Variants in SLC11A2 observed in about 807,000 individuals in gnomAD.
The protein encoded by SLC11A2 is natural resistance-associated macrophage protein 2.
Under a neutral mutation model 68.0 loss-of-function variants are expected in SLC11A2, and 38 were observed. The observed-to-expected ratio is 0.56, with a 90% confidence interval of 0.43 to 0.73. SLC11A2 has a LOEUF of 0.73. SLC11A2 is among the 30% of genes least tolerant of loss of function. The probability of loss-of-function intolerance (pLI) is 0.00; values close to 1 mark genes in which losing one functional copy is unlikely to be tolerated. For missense variants in SLC11A2, 517 were observed against 690.5 expected (o/e 0.75, Z 2.82); for synonymous variants, 242 against 250.6 (o/e 0.97, Z 0.32).
chr12:51,026,468 G>A (rs1038129499), upstream of SLC11A2: 2 of 736,874 alleles, frequency 2.7e-6, no homozygotes. Flanking sequence ...CAGCGGCCGG[G>A]ATGCGTGGCC....
chr12:51,010,330 CAACATGGCGA>C (rs1266386289), intron 2 of SLC11A2, among the ~76,000 whole-genome samples: 1 of 152,022 alleles, frequency 6.6e-6, no homozygotes, highest in Non-Finnish European at 1.5e-5. Context: ...ACAGCCTGGC[CAACATGGCGA>C]AACCCTGTCT....
chr12:51,000,513 A>T, intron 5 of SLC11A2, 94 bp from the exon 6 acceptor site: 1 of 915,886 alleles, frequency 1.1e-6, no homozygotes. Context: ...ACTAAACCAT[A>T]AACAGTCCTT....
chr12:50,990,838 G>C lies in SLC11A2; in HGVS notation c.1532C>G (p.Ala511Gly). The C allele has an allele frequency of 1.2e-6, 2 of 1,614,110 alleles. No homozygotes were observed. Among genetic ancestry groups the C allele is most frequent in the Non-Finnish European group, 1.7e-6 (2 of 1,179,982 alleles). Residue 511 changes from alanine to glycine, a missense_variant, in exon 15 of 16, where the codon GCT becomes GGT. Ala to Gly is a moderately conservative substitution (Grantham distance 60). Coordinates refer to ENST00000262052, the MANE Select transcript of SLC11A2 (RefSeq NM_000617.3). ...DLGHVALYVV[A>G]AVVSVAYLGF... The stretch of plus-strand genomic sequence containing the variant: ...CAGATAAGCCACGCTGACCACAGCA[G>C]CCACCACATATAATGCCACATGCCC...
intron 1 of SLC11A2, among the ~76,000 whole-genome samples, chr12:51,022,430 CT>C (rs1944108804): frequency 3.8e-5 from 3 of 78,240 alleles, no homozygotes; most frequent in Admixed American, 2.0e-4. Flanking sequence ...AAAAAAATTA[CT>C]TTTTTCCAAA....
At chr12:50,994,682 A>C in intron 10 of SLC11A2, 52 bp from the exon 11 acceptor site, 1 of 1,003,766 alleles carries the variant, frequency 1.0e-6, no homozygotes, top group Non-Finnish European at 1.6e-6. Context: ...GCAAGGACCA[A>C]ATAAGAGCTC....
chr12:50,990,679 G>T, intron 15 of SLC11A2, 116 bp downstream of exon 15: 1 of 1,052,664 alleles, frequency 9.5e-7, no homozygotes, highest in Non-Finnish European at 1.4e-6. Flanking sequence ...CAAAGTACTG[G>T]GATTATAGGC....
chr12:50,965,757 T>G, the SLC11A2 span, among the ~76,000 whole-genome samples: 1 of 152,204 alleles, frequency 6.6e-6, no homozygotes, highest in Admixed American at 6.5e-5. Context: ...CCTTCCTTGG[T>G]GAACAGGTAC....
chr12:50,978,467 G>A (rs1441520245), downstream of SLC11A2, among the ~76,000 whole-genome samples: 1 of 127,010 alleles, frequency 7.9e-6, no homozygotes, highest in Non-Finnish European at 1.6e-5. Flanking sequence ...ACAGGAAGGG[G>A]AACATCACAC....
In SLC11A2 at chr12:50,987,340, C is replaced by T. The variant is rs886049562; in HGVS notation, c.*985G>A. 7 of 1,287,080 alleles carry T rather than the reference C, an allele frequency of 5.4e-6. No homozygotes were observed. The highest frequency in any genetic ancestry group is 7.1e-6 in the Non-Finnish European group (7 of 988,706). The allele number at this position is 1,287,080 out of a possible 1,614,324, so 79.7% of individuals were successfully genotyped here. A position where few individuals can be genotyped will look rare whatever the true frequency, so the allele number is the denominator to read the frequency against. ...AGATTGCCTCGCAAGTCATCTTGGG[C>T]ATGAAGCAGAGCGGTGCATCAGAAA... is the stretch of plus-strand genomic sequence containing the variant. On this transcript the variant is annotated 3_prime_UTR_variant, in exon 16 of 16. Transcript: ENST00000262052.
chr12:51,000,080 T>C lies in SLC11A2; in HGVS notation c.536+233A>G, dbSNP rs141928795. ...ATAAAATGACATACAAATCAATAAT[T>C]GCGATACAAAACGCCACACATTCTA... On this transcript the variant is annotated intron_variant, in intron 6 of 15. Coordinates refer to ENST00000262052, the MANE Select transcript of SLC11A2 (RefSeq NM_000617.3). Among the ~76,000 whole-genome samples the C allele has an allele frequency of 2.6e-5, 4 of 152,090 alleles. No homozygotes were observed. The East Asian group carries it at 7.7e-4, about 29-fold the overall frequency.
upstream of SLC11A2, among the ~76,000 whole-genome samples, chr12:51,026,655 C>G (rs1348416810): frequency 5.3e-5 from 8 of 152,084 alleles, no homozygotes; most frequent in Admixed American, 1.3e-4. Context: ...AGTCTGGGGA[C>G]AGATAAGATT....
At chr12:51,023,590 A>G (rs967389361) in intron 1 of SLC11A2, among the ~76,000 whole-genome samples, 1 of 152,220 alleles carries the variant, frequency 6.6e-6, no homozygotes, top group African/African-American at 2.4e-5. Context: ...CAGAGAGATG[A>G]TAATAATGAC....
At chr12:51,006,777 T>A (rs1354446283) in intron 3 of SLC11A2, among the ~76,000 whole-genome samples, 2 of 152,190 alleles carry the variant, frequency 1.3e-5, no homozygotes, top group African/African-American at 4.8e-5. Context: ...TATTTATTTT[T>A]ATTTTTGTAG....
In SLC11A2 at chr12:50,988,170, T is replaced by G. The variant is rs1327133115; in HGVS notation, c.*155A>C. 6.5e-7 allele frequency: 1 copy of G among 1,533,338 alleles called. No individual in the cohort carries two copies. The highest frequency in any genetic ancestry group is 2.0e-5 in the Admixed American group (1 of 50,718). The allele number at this position is 1,533,338 out of a possible 1,614,324, so 95.0% of individuals were successfully genotyped here. A position where few individuals can be genotyped will look rare whatever the true frequency, so the allele number is the denominator to read the frequency against. ...TCAGGAAGGAAAAAATAATTCCATCTTTCAAATACACATGAAACAAAGTCT... is the reference window on the plus strand; with the variant it reads ...TCAGGAAGGAAAAAATAATTCCATCGTTCAAATACACATGAAACAAAGTCT... On this transcript the variant is annotated 3_prime_UTR_variant, in exon 16 of 16. Coordinates refer to ENST00000262052, the MANE Select transcript of SLC11A2 (RefSeq NM_000617.3).
chr12:51,000,860 AC>A (rs1942145344), intron 5 of SLC11A2, among the ~76,000 whole-genome samples: 1 of 152,140 alleles, frequency 6.6e-6, no homozygotes, highest in Non-Finnish European at 1.5e-5. Context: ...GGAAGACAAA[AC>A]AAACATGAAA....
upstream of SLC11A2, among the ~76,000 whole-genome samples, chr12:51,027,921 G>C (rs3809321): frequency 0.028 from 4,295 of 150,912 alleles, 247 homozygotes; most frequent in African/African-American, 0.098. Flanking sequence ...AAAAAGTGGG[G>C]GGGGGGGGCT....
At chr12:50,973,232 G>T in the SLC11A2 span, among the ~76,000 whole-genome samples, 1 of 152,172 alleles carries the variant, frequency 6.6e-6, no homozygotes, top group African/African-American at 2.4e-5. Context: ...CTAACTGGGA[G>T]GCACCCCCCA....
At chr12:51,011,115 G>A (rs1943180888) in intron 1 of SLC11A2, among the ~76,000 whole-genome samples, 2 of 142,470 alleles carry the variant, frequency 1.4e-5, no homozygotes, top group African/African-American at 5.3e-5. Context: ...TAGTGAGACA[G>A]CAAATACCAT....
chr12:51,018,830 C>T (rs1472416514), intron 1 of SLC11A2, among the ~76,000 whole-genome samples: 2 of 152,072 alleles, frequency 1.3e-5, no homozygotes, highest in African/African-American at 4.8e-5. Context: ...ATAAAATTCC[C>T]CTATAGAGAA....
Sources: allele counts gnomAD v4.1 joint callset (sites outside exome capture counted in the v4.1 genomes callset), GRCh38; gene constraint gnomAD v4.1.1; transcripts MANE v1.5; gene names NCBI Gene and HGNC (gene_info 2026-07-23, HGNC 2026-07-21).